The following EDIL3 variants were observed in gnomAD, a reference collection of about 807,000 sequenced individuals.
EDIL3 encodes EGF like and discoidin domains 3, also known as EGF-like repeat and discoidin I-like domain-containing protein 3.
A neutral mutation model predicts 67.4 loss-of-function variants in EDIL3; 37 were observed. That is an observed-to-expected ratio of 0.55 (90% CI 0.42 to 0.72). EDIL3 has a LOEUF of 0.72. Ranked by LOEUF, EDIL3 falls within the 30% of genes least tolerant of loss-of-function variation. EDIL3 has a pLI of 0.00. For missense variants in EDIL3, 527 were observed against 586.3 expected (o/e 0.90, Z 1.04); for synonymous variants, 195 against 196.3 (o/e 0.99, Z 0.05).
At chr5:84,029,547 T>C (rs776016656) in intron 9 of EDIL3, among the ~76,000 whole-genome samples, 4 of 152,132 alleles carry the variant, frequency 2.6e-5, no homozygotes, top group East Asian at 1.9e-4. Context: ...TGAAAAATAA[T>C]AGAAATAAAA....
chr5:83,984,896 A>G (rs952326594), intron 9 of EDIL3, among the ~76,000 whole-genome samples: 8 of 152,052 alleles, frequency 5.3e-5, no homozygotes, highest in African/African-American at 1.7e-4. Flanking sequence ...ATAATACATT[A>G]TAGCATTAAG....
At chr5:84,287,446 T>G (rs528972466) in intron 1 of EDIL3, among the ~76,000 whole-genome samples, 1 of 152,282 alleles carries the variant, frequency 6.6e-6, no homozygotes, top group South Asian at 2.1e-4. Flanking sequence ...TTCTGAATAA[T>G]TTGCAATATT....
chr5:84,237,002 C>T (rs577574448), intron 2 of EDIL3, among the ~76,000 whole-genome samples: 1 of 152,040 alleles, frequency 6.6e-6, no homozygotes, highest in Non-Finnish European at 1.5e-5. Flanking sequence ...AATGAGAATG[C>T]TGTTTAATGT....
At chr5:84,276,374 T>C (rs1580050432) in intron 1 of EDIL3, among the ~76,000 whole-genome samples, 1 of 152,164 alleles carries the variant, frequency 6.6e-6, no homozygotes, top group South Asian at 2.1e-4. Context: ...TGAACACAAA[T>C]TCAAGATGTG....
intron 9 of EDIL3, among the ~76,000 whole-genome samples, chr5:84,027,439 T>A (rs1442599495): frequency 6.6e-6 from 1 of 152,184 alleles, no homozygotes; most frequent in Non-Finnish European, 1.5e-5. Flanking sequence ...GTCCTATCTG[T>A]GTTTCTAGAT....
intron 3 of EDIL3, among the ~76,000 whole-genome samples, chr5:84,227,736 T>C (rs1405717946): frequency 6.6e-6 from 1 of 152,036 alleles, no homozygotes; most frequent in African/African-American, 2.4e-5. Context: ...CAGAATAATA[T>C]ACAGTCATGA....
intron 1 of EDIL3, among the ~76,000 whole-genome samples, chr5:84,345,382 A>G (rs765920091): frequency 6.6e-6 from 1 of 152,190 alleles, no homozygotes; most frequent in Non-Finnish European, 1.5e-5. Context: ...TATAGTGGGT[A>G]AAAATAAATA....
chr5:84,022,956 A>G (rs1469367744), intron 9 of EDIL3, among the ~76,000 whole-genome samples: 2 of 152,016 alleles, frequency 1.3e-5, no homozygotes, highest in African/African-American at 4.8e-5. Flanking sequence ...GGACAACTCA[A>G]AACTATGACT....
At chr5:84,053,259 A>G (rs957519183) in intron 9 of EDIL3, among the ~76,000 whole-genome samples, 1 of 152,236 alleles carries the variant, frequency 6.6e-6, no homozygotes, top group East Asian at 1.9e-4. Context: ...TTTGAAACCA[A>G]TGAGAACAAA....
At chr5:83,953,832 C>A (rs1744461165) in intron 10 of EDIL3, among the ~76,000 whole-genome samples, 1 of 151,784 alleles carries the variant, frequency 6.6e-6, no homozygotes, top group Non-Finnish European at 1.5e-5. Flanking sequence ...AGTGTCCCCA[C>A]ACGGCTTATT....
intron 1 of EDIL3, among the ~76,000 whole-genome samples, chr5:84,291,818 TATATACACACAC>T (rs1403476855): frequency 1.4e-5 from 2 of 147,870 alleles, no homozygotes; most frequent in Admixed American, 6.8e-5. Context: ...CACACACATA[TATATACACACAC>T]ATATATATAT....
At chr5:84,251,752 A>T (rs1426857661) in intron 2 of EDIL3, among the ~76,000 whole-genome samples, 1 of 152,196 alleles carries the variant, frequency 6.6e-6, no homozygotes, top group East Asian at 1.9e-4. Context: ...GAAACTGTCA[A>T]CACTTTAAGA....
chr5:84,106,860 T>C, intron 5 of EDIL3, 30 bp from the exon 6 acceptor site: 3 of 1,576,658 alleles, frequency 1.9e-6, no homozygotes, highest in African/African-American at 1.4e-5. Context: ...AAAATATGAA[T>C]GTATTAGAAA....
intron 5 of EDIL3, among the ~76,000 whole-genome samples, chr5:84,112,469 T>A (rs1267594887): frequency 6.6e-6 from 1 of 152,164 alleles, no homozygotes; most frequent in Non-Finnish European, 1.5e-5. Context: ...TGGCCACGTT[T>A]CACAAATAAC....
chr5:84,105,742 T>C (rs1224412101), intron 6 of EDIL3, among the ~76,000 whole-genome samples: 2 of 5,960 alleles, frequency 3.4e-4, no homozygotes, highest in Non-Finnish European at 5.3e-4. Flanking sequence ...CTAGTCATGA[T>C]TTTCTACAAT....
At chr5:84,325,575 T>C (rs879393542) in intron 1 of EDIL3, among the ~76,000 whole-genome samples, 1 of 152,050 alleles carries the variant, frequency 6.6e-6, no homozygotes, top group Non-Finnish European at 1.5e-5. Context: ...GAAAATCGTA[T>C]TGTGGCTCCT....
chr5:84,312,357 G>C (rs1347545362), intron 1 of EDIL3, among the ~76,000 whole-genome samples: 1 of 147,230 alleles, frequency 6.8e-6, no homozygotes. Context: ...CTCCCTCCCG[G>C]ACGGGGCGGC....
At chr5:84,107,743 C>T (rs1216959278) in intron 5 of EDIL3, among the ~76,000 whole-genome samples, 1 of 149,914 alleles carries the variant, frequency 6.7e-6, no homozygotes, top group Non-Finnish European at 1.5e-5. Context: ...TAAAAAATTA[C>T]ATATATATTT....
intron 6 of EDIL3, among the ~76,000 whole-genome samples, chr5:84,069,083 T>C (rs1424408328): frequency 3.3e-5 from 5 of 152,310 alleles, no homozygotes; most frequent in African/African-American, 1.2e-4. Context: ...AAAGGTCTAT[T>C]GAGGATTGCA....
Sources: gnomAD v4.1 joint callset for allele counts (sites outside exome capture counted in the v4.1 genomes callset) on GRCh38, gnomAD v4.1.1 for gene constraint, MANE v1.5 for transcripts, NCBI Gene and HGNC (gene_info 2026-07-23, HGNC 2026-07-21) for gene names.